The following CRYBG1 variants were observed in gnomAD, a reference collection of about 807,000 sequenced individuals.
The protein encoded by CRYBG1 is crystallin beta-gamma domain containing 1.
CRYBG1 carries 139 observed loss-of-function variants against 189.2 expected under a neutral mutation model. The observed-to-expected ratio is 0.73, with a 90% confidence interval of 0.64 to 0.85. CRYBG1 has a LOEUF of 0.85. Ranked by LOEUF, CRYBG1 falls within the 40% of genes least tolerant of loss-of-function variation. CRYBG1 has a pLI of 0.00. For synonymous variants in CRYBG1, 1,023 were observed against 1,017.1 expected (o/e 1.01, Z -0.11); for missense variants, 2,611 against 2,675.8 (o/e 0.98, Z 0.53).
At chr6:106,367,472 G>A (rs9373853) in intron 1 of CRYBG1, among the ~76,000 whole-genome samples, 100,445 of 150,652 alleles carry the variant, frequency 0.67, 33,606 homozygotes, top group African/African-American at 0.74. Flanking sequence ...CTGTAATCCC[G>A]TCTACTTGGG....
chr6:106,425,260 C>T (rs746525789), intron 1 of CRYBG1, among the ~76,000 whole-genome samples: 2 of 152,138 alleles, frequency 1.3e-5, no homozygotes. Flanking sequence ...CTCCTTCCAG[C>T]TCTGTTGGAA....
At chr6:106,447,550 AT>A (rs1771687904) in intron 1 of CRYBG1, among the ~76,000 whole-genome samples, 2 of 15,478 alleles carry the variant, frequency 1.3e-4, no homozygotes, top group South Asian at 7.7e-3. Flanking sequence ...CCTCATAAAT[AT>A]ATATATATAT....
Position 106,372,932 on chromosome 6 carries a change from T to C in CRYBG1, c.173+11851T>C, listed in dbSNP as rs115221293. Reference sequence around the variant, plus strand: ...GACAGAGCAGTATTTGAAATACTTCTTTCTGGCTCTAAACCTCAAAATATT... The same window carrying C: ...GACAGAGCAGTATTTGAAATACTTCCTTCTGGCTCTAAACCTCAAAATATT... On this transcript the variant is annotated intron_variant, in intron 1 of 21. Coordinates refer to ENST00000633556, the MANE Select transcript of CRYBG1 (RefSeq NM_001371242.2). 6.5e-3 allele frequency among the ~76,000 whole-genome samples: 988 copies of C among 152,352 alleles called. 12 individuals carry two copies. The highest frequency in any genetic ancestry group is 0.022 in the African/African-American group (935 of 41,580).
chr6:106,540,291 G>A (rs1004005032), intron 9 of CRYBG1, among the ~76,000 whole-genome samples: 5 of 152,242 alleles, frequency 3.3e-5, no homozygotes, highest in African/African-American at 9.6e-5. Context: ...AATACCCACA[G>A]TGAGATGAGG....
At chr6:106,427,803 C>T (rs977785981) in intron 1 of CRYBG1, among the ~76,000 whole-genome samples, 1 of 152,170 alleles carries the variant, frequency 6.6e-6, no homozygotes, top group African/African-American at 2.4e-5. Flanking sequence ...CCAGAACTAC[C>T]TGGCTCATGT....
At chr6:106,539,266 C>G (rs757927591) in intron 8 of CRYBG1, 137 bp from the exon 9 acceptor site, 157 of 959,742 alleles carry the variant, frequency 1.6e-4, no homozygotes, top group Non-Finnish European at 2.0e-4. Context: ...GATTCTAACA[C>G]CTGAGTCCAA....
At chr6:106,391,527 C>G (rs902073343) in intron 1 of CRYBG1, among the ~76,000 whole-genome samples, 4 of 151,502 alleles carry the variant, frequency 2.6e-5, no homozygotes, top group African/African-American at 9.7e-5. Context: ...TTTGTTGTAC[C>G]TGTTCAAATA....
At chr6:106,428,047 A>G (rs555856145) in intron 1 of CRYBG1, among the ~76,000 whole-genome samples, 3 of 152,328 alleles carry the variant, frequency 2.0e-5, no homozygotes, top group African/African-American at 7.2e-5. Flanking sequence ...TCTGCTCTTA[A>G]GACAGTACCT....
chr6:106,517,006 C>CTTTTT (rs5878896), intron 3 of CRYBG1, among the ~76,000 whole-genome samples: 3 of 106,656 alleles, frequency 2.8e-5, no homozygotes, highest in Non-Finnish European at 3.7e-5. Flanking sequence ...ATGGTTTAGA[C>CTTTTT]TTTTTTTTTT....
At chr6:106,518,407 T>G (rs1393872739) in intron 3 of CRYBG1, among the ~76,000 whole-genome samples, 1 of 152,194 alleles carries the variant, frequency 6.6e-6, no homozygotes. Context: ...TATGCTAAAA[T>G]AAAAATACAT....
intron 2 of CRYBG1, among the ~76,000 whole-genome samples, chr6:106,510,247 G>T (rs1406800799): frequency 2.0e-5 from 3 of 152,182 alleles, no homozygotes; most frequent in African/African-American, 7.2e-5. Context: ...CCTCTCCTAG[G>T]AGCCAGGCTG....
At chr6:106,362,770 C>T (rs544560521) in intron 1 of CRYBG1, among the ~76,000 whole-genome samples, 1 of 152,254 alleles carries the variant, frequency 6.6e-6, no homozygotes, top group African/African-American at 2.4e-5. Context: ...TACTTTCTAA[C>T]AAAATACAGT....
chr6:106,517,473 C>T (rs1279445279), intron 3 of CRYBG1, among the ~76,000 whole-genome samples: 1 of 145,550 alleles, frequency 6.9e-6, no homozygotes, highest in Non-Finnish European at 1.5e-5. Context: ...TACACACACA[C>T]ATATATATAT....
At chr6:106,392,696 C>A (rs569512693) in intron 1 of CRYBG1, among the ~76,000 whole-genome samples, 2 of 152,238 alleles carry the variant, frequency 1.3e-5, no homozygotes, top group African/African-American at 4.8e-5. Flanking sequence ...AGATCTTCCA[C>A]GAATAAATTT....
intron 1 of CRYBG1, among the ~76,000 whole-genome samples, chr6:106,423,323 C>T (rs992894510): frequency 6.9e-6 from 1 of 144,676 alleles, no homozygotes; most frequent in Non-Finnish European, 1.5e-5. Flanking sequence ...TAAGTTACCT[C>T]CTGGCCACAG....
intron 3 of CRYBG1, among the ~76,000 whole-genome samples, chr6:106,517,091 C>G (rs145431888): frequency 1.1e-4 from 16 of 148,076 alleles, no homozygotes; most frequent in African/African-American, 4.0e-4. Context: ...CTCACTGCAG[C>G]CTTGATCTTC....
At chr6:106,522,490 GA>G (rs1195316397) in intron 4 of CRYBG1, among the ~76,000 whole-genome samples, 4 of 152,178 alleles carry the variant, frequency 2.6e-5, no homozygotes, top group African/African-American at 9.7e-5. Context: ...TCTCACTTCA[GA>G]AGATGTTTAC....
chr6:106,389,402 A>G (rs1770457192), intron 1 of CRYBG1, among the ~76,000 whole-genome samples: 1 of 152,154 alleles, frequency 6.6e-6, no homozygotes, highest in Admixed American at 6.6e-5. Flanking sequence ...TCTTAAGATT[A>G]TGAGTGAAAC....
intron 1 of CRYBG1, among the ~76,000 whole-genome samples, chr6:106,417,158 T>C (rs1375112105): frequency 6.6e-6 from 1 of 150,920 alleles, no homozygotes; most frequent in Non-Finnish European, 1.5e-5. Flanking sequence ...TGTACCACCA[T>C]GCTCAGTTAT....
Sources: gnomAD v4.1 joint callset for allele counts (sites outside exome capture counted in the v4.1 genomes callset) on GRCh38, gnomAD v4.1.1 for gene constraint, MANE v1.5 for transcripts, NCBI Gene and HGNC (gene_info 2026-07-23, HGNC 2026-07-21) for gene names.